Variants in SUGCT observed in about 807,000 individuals in gnomAD.
SUGCT encodes succinyl-CoA:glutarate-CoA transferase.
A neutral mutation model predicts 55.0 loss-of-function variants in SUGCT; 41 were observed. The observed-to-expected ratio is 0.74, with a 90% confidence interval of 0.58 to 0.97. The LOEUF is 0.97. SUGCT is among the 50% of genes least tolerant of loss of function. The probability of loss-of-function intolerance (pLI) is 0.00; values close to 1 mark genes in which losing one functional copy is unlikely to be tolerated. For missense variants in SUGCT, 568 were observed against 547.8 expected (o/e 1.04, Z -0.37); for synonymous variants, 187 against 200.4 (o/e 0.93, Z 0.56).
the SUGCT span, among the ~76,000 whole-genome samples, chr7:41,001,948 G>A: frequency 6.6e-6 from 1 of 152,206 alleles, no homozygotes; most frequent in African/African-American, 2.4e-5. Context: ...CAGGAGCCAA[G>A]TCTTTGAAAA....
intron 13 of SUGCT, among the ~76,000 whole-genome samples, chr7:40,820,748 AC>A (rs1444589063): frequency 6.6e-6 from 1 of 152,074 alleles, no homozygotes; most frequent in Non-Finnish European, 1.5e-5. Context: ...CTAACTGAAT[AC>A]CCTTTATTTC....
At chr7:40,253,233 A>T (rs1202780218) in intron 7 of SUGCT, among the ~76,000 whole-genome samples, 1 of 152,208 alleles carries the variant, frequency 6.6e-6, no homozygotes, top group Non-Finnish European at 1.5e-5. Flanking sequence ...ATCCCTAAAT[A>T]AGAGTATGTG....
At chr7:40,323,371 G>A (rs1324744870) in intron 9 of SUGCT, among the ~76,000 whole-genome samples, 3 of 152,044 alleles carry the variant, frequency 2.0e-5, no homozygotes, top group Non-Finnish European at 4.4e-5. Flanking sequence ...GTTAGTAGGA[G>A]CACTCAGTTT....
Position 40,377,229 on chromosome 7 carries a change from TCTTCCCTTCCTTCCTTCCTTC to T in SUGCT, c.816+60375_816+60395del, listed in dbSNP as rs1784640753. On this transcript the variant is annotated intron_variant, in intron 9 of 13. Coordinates refer to ENST00000335693, the MANE Select transcript of SUGCT (RefSeq NM_001193313.2). ...TTTTCTTTTCTTTCTTTTCTTTCTT[TCTTCCCTTCCTTCCTTCCTTC>T]TTTCTTTTTTGAGACCTAGTCTCAC... is the stretch of plus-strand genomic sequence containing the variant. Among the ~76,000 whole-genome samples the T allele has an allele frequency of 1.0e-4, 2 of 19,940 alleles. 1 individual carries two copies. Among genetic ancestry groups the T allele is most frequent in the Non-Finnish European group, 2.5e-4 (2 of 8,028 alleles). The allele number at this position is 19,940 out of a possible 152,430, so 13.1% of individuals were successfully genotyped here. A position where few individuals can be genotyped will look rare whatever the true frequency, so the allele number is the denominator to read the frequency against.
intron 8 of SUGCT, among the ~76,000 whole-genome samples, chr7:40,290,256 T>C (rs561799193): frequency 5.3e-5 from 8 of 152,226 alleles, no homozygotes; most frequent in Admixed American, 5.2e-4. Context: ...CTTCAAACTA[T>C]ATTACAAGGC....
At chr7:40,676,113 T>C (rs777157983) in intron 12 of SUGCT, among the ~76,000 whole-genome samples, 9 of 152,180 alleles carry the variant, frequency 5.9e-5, no homozygotes, top group Non-Finnish European at 8.8e-5. Context: ...TGACACATAA[T>C]GATATGACCA....
intron 9 of SUGCT, among the ~76,000 whole-genome samples, chr7:40,366,568 G>GA (rs1373296752): frequency 2.0e-5 from 3 of 151,902 alleles, no homozygotes; most frequent in Non-Finnish European, 2.9e-5. Context: ...AAATTTACAA[G>GA]AAAAAAACAA....
chr7:40,492,554 G>T lies in SUGCT; in HGVS notation c.987-3730G>T, dbSNP rs140689560. Among the ~76,000 whole-genome samples, 5 of 152,244 alleles carry T rather than the reference G, an allele frequency of 3.3e-5. 1 individual carries two copies. In the East Asian group the frequency reaches 9.7e-4, roughly 29 times the overall value. ...AGCAGACAAGTTGCTTTGCATTCTG[G>T]TTCTAAACTCTCTGTCACATTTCAT... is the stretch of plus-strand genomic sequence containing the variant. On this transcript the variant is annotated intron_variant, in intron 11 of 13. Transcript: ENST00000335693.
At chr7:40,954,326 C>T in the SUGCT span, among the ~76,000 whole-genome samples, 1 of 152,172 alleles carries the variant, frequency 6.6e-6, no homozygotes, top group Non-Finnish European at 1.5e-5. Flanking sequence ...GTGGGAGTGA[C>T]CCAATTTTCC....
the SUGCT span, among the ~76,000 whole-genome samples, chr7:40,906,570 CAAT>C: frequency 6.6e-6 from 1 of 151,922 alleles, no homozygotes; most frequent in Admixed American, 6.6e-5. Context: ...CAAATAAAAA[CAAT>C]AGAGTATAAT....
chr7:40,533,563 A>G (rs1030064931), intron 12 of SUGCT, among the ~76,000 whole-genome samples: 7 of 152,134 alleles, frequency 4.6e-5, no homozygotes, highest in African/African-American at 1.7e-4. Flanking sequence ...CTAAAGAACT[A>G]CTTCTAATTT....
chr7:40,269,869 G>A (rs963853841), intron 7 of SUGCT, among the ~76,000 whole-genome samples: 6 of 151,988 alleles, frequency 3.9e-5, no homozygotes, highest in East Asian at 1.9e-4. Flanking sequence ...GGGTGTGATC[G>A]CTCATGCCTT....
At chr7:40,415,708 CAGAT>C (rs1186442632) in intron 9 of SUGCT, among the ~76,000 whole-genome samples, 1 of 152,036 alleles carries the variant, frequency 6.6e-6, no homozygotes, top group Non-Finnish European at 1.5e-5. Context: ...AATTTACTTA[CAGAT>C]AGATAACTAG....
chr7:40,148,276 A>G (rs1343424302), intron 1 of SUGCT, among the ~76,000 whole-genome samples: 1 of 152,196 alleles, frequency 6.6e-6, no homozygotes, highest in African/African-American at 2.4e-5. Context: ...GATTCTTTGA[A>G]AAGAAATTTA....
At chr7:40,706,563 C>A (rs1562956273) in intron 12 of SUGCT, among the ~76,000 whole-genome samples, 2 of 152,116 alleles carry the variant, frequency 1.3e-5, no homozygotes, top group Non-Finnish European at 2.9e-5. Flanking sequence ...GAAATGTGGT[C>A]ATTGTGAGGT....
intron 9 of SUGCT, among the ~76,000 whole-genome samples, chr7:40,379,277 C>G (rs977211605): frequency 6.6e-6 from 1 of 152,124 alleles, no homozygotes; most frequent in African/African-American, 2.4e-5. Context: ...TGTAAGCCAC[C>G]TAGTTAGTCT....
chr7:40,632,561 C>G (rs1799834379), intron 12 of SUGCT, among the ~76,000 whole-genome samples: 1 of 147,120 alleles, frequency 6.8e-6, no homozygotes. Context: ...ATGGAGTTAC[C>G]CGACCAGTTT....
intron 13 of SUGCT, among the ~76,000 whole-genome samples, chr7:40,816,387 T>C (rs1197277181): frequency 6.6e-6 from 1 of 152,160 alleles, no homozygotes; most frequent in East Asian, 1.9e-4. Flanking sequence ...TTCAATCCTT[T>C]CCCCAAGTTA....
At chr7:40,716,384 A>G (rs546170831) in intron 12 of SUGCT, among the ~76,000 whole-genome samples, 4 of 152,240 alleles carry the variant, frequency 2.6e-5, no homozygotes, top group Non-Finnish European at 5.9e-5. Flanking sequence ...TTTAACCTGT[A>G]CAACTGTCAT....
Sources: allele counts gnomAD v4.1 joint callset (sites outside exome capture counted in the v4.1 genomes callset), GRCh38; gene constraint gnomAD v4.1.1; transcripts MANE v1.5; gene names NCBI Gene and HGNC (gene_info 2026-07-23, HGNC 2026-07-21).